The following VPS13D variants were observed in gnomAD, a reference collection of about 807,000 sequenced individuals.
VPS13D encodes the protein intermembrane lipid transfer protein VPS13D.
Under a neutral mutation model 461.9 loss-of-function variants are expected in VPS13D, and 187 were observed. The ratio of observed to expected loss-of-function variants is 0.40; its 90% CI spans 0.36 to 0.46. The LOEUF is 0.46. Ranked by LOEUF, VPS13D falls within the 20% of genes least tolerant of loss-of-function variation. The pLI is 0.60. For missense variants in VPS13D, 4,711 were observed against 5,364.9 expected, an observed-to-expected ratio of 0.88 and a Z score of 3.81; for synonymous variants, 1,951 against 1,986.3, an observed-to-expected ratio of 0.98 and a Z score of 0.47.
At chr1:12,233,806 G>T (rs1640061473) in intron 1 of VPS13D, among the ~76,000 whole-genome samples, 1 of 152,182 alleles carries the variant, frequency 6.6e-6, no homozygotes, top group South Asian at 2.1e-4. Context: ...CCAGCACTTT[G>T]GGTGGCTGAG....
intron 65 of VPS13D, among the ~76,000 whole-genome samples, chr1:12,421,232 G>C (rs1644859591): frequency 6.6e-6 from 1 of 152,204 alleles, no homozygotes; most frequent in Non-Finnish European, 1.5e-5. Context: ...TCCCCTGCCT[G>C]GGTCTTGGCA....
chr1:12,490,694 A>G (rs1365813403), intron 67 of VPS13D, among the ~76,000 whole-genome samples: 1 of 150,044 alleles, frequency 6.7e-6, no homozygotes, highest in Non-Finnish European at 1.5e-5. Context: ...CAGGTCTGAG[A>G]TAGATGCAGC....
At chr1:12,446,713 T>C (rs1326521361) in intron 65 of VPS13D, among the ~76,000 whole-genome samples, 1 of 152,216 alleles carries the variant, frequency 6.6e-6, no homozygotes, top group Non-Finnish European at 1.5e-5. Flanking sequence ...TTAGCTTTGG[T>C]GTTCTACGTC....
intron 5 of VPS13D, among the ~76,000 whole-genome samples, chr1:12,247,594 C>T (rs1455220550): frequency 6.6e-6 from 1 of 151,798 alleles, no homozygotes; most frequent in African/African-American, 2.4e-5. Flanking sequence ...GCTATGATTT[C>T]GATTTGCATT....
chr1:12,305,330 A>G (rs1642531740), intron 26 of VPS13D, among the ~76,000 whole-genome samples: 2 of 151,754 alleles, frequency 1.3e-5, no homozygotes, highest in Admixed American at 1.3e-4. Flanking sequence ...GCTAGAGTGC[A>G]GTGTTGTGAT....
intron 67 of VPS13D, among the ~76,000 whole-genome samples, chr1:12,491,972 G>A (rs559434275): frequency 1.5e-4 from 23 of 152,356 alleles, no homozygotes; most frequent in African/African-American, 4.6e-4. Flanking sequence ...CTGCATGTGC[G>A]CTGAACAGAC....
chr1:12,361,493 C>T (rs12564109), intron 50 of VPS13D, among the ~76,000 whole-genome samples: 2,784 of 146,244 alleles, frequency 0.019, 103 homozygotes, highest in Admixed American at 0.1. Context: ...CCTCCCGGGT[C>T]CACGCCATTC....
At chr1:12,465,065 G>A (rs568592373) in intron 67 of VPS13D, 1 of 152,296 alleles carries the variant, frequency 6.6e-6, no homozygotes, top group South Asian at 2.1e-4. Flanking sequence ...TAAATGTGAC[G>A]GCCTTTGATG....
intron 21 of VPS13D, among the ~76,000 whole-genome samples, chr1:12,284,145 A>G (rs1042904103): frequency 2.0e-5 from 3 of 152,188 alleles, no homozygotes; most frequent in Non-Finnish European, 2.9e-5. Flanking sequence ...CTCTCAGAAC[A>G]TTATTTGCTT....
chr1:12,242,445 T>C, intron 2 of VPS13D, 68 bp from the exon 3 acceptor site: 1 of 1,408,910 alleles, frequency 7.1e-7, no homozygotes, highest in Non-Finnish European at 1.0e-6. Flanking sequence ...CCTTCAATGC[T>C]TTACACACAG....
At position 12,369,606 on chromosome 1, in the gene VPS13D, C is replaced by T. The variant is rs757270388; in HGVS notation, c.10712C>T (p.Ser3571Phe). ...FITLTVKGAG[S>F]SEINCNMNDF... is the part of the protein sequence containing the mutation. Reference sequence around the variant, plus strand: ...ACTCTGACTGTTAAAGGGGCAGGGTCCTCTGAGATCAACTGCAACATGAAT... The same window carrying T: ...ACTCTGACTGTTAAAGGGGCAGGGTTCTCTGAGATCAACTGCAACATGAAT... Residue 3571 changes from serine to phenylalanine, a missense_variant, in exon 54 of 70, where the codon TCC (serine) becomes TTC (phenylalanine). Physicochemically the swap from Ser to Phe is radical, Grantham distance 155. Around this residue, in one of 3 missense-constraint regions of VPS13D, gnomAD observed 4,411 missense variants for 4,937.8 expected, o/e 0.89. Coordinates refer to ENST00000620676, the MANE Select transcript of VPS13D (RefSeq NM_015378.4). 9.9e-6 allele frequency: 16 copies of T among 1,614,170 alleles called. No homozygotes were observed. In the South Asian group the frequency reaches 1.8e-4, roughly 18 times the overall value.
intron 46 of VPS13D, among the ~76,000 whole-genome samples, chr1:12,353,598 A>T (rs1167094533): frequency 6.6e-6 from 1 of 151,704 alleles, no homozygotes; most frequent in African/African-American, 2.4e-5. Flanking sequence ...TTCCACTTAT[A>T]TATATGCAGT....
Position 12,256,611 on chromosome 1 carries a change from A to C in VPS13D, c.840+108A>C, listed in dbSNP as rs556457119. The C allele has an allele frequency of 1.3e-4, 168 of 1,259,868 alleles. 1 individual carries two copies. The South Asian group carries it at 2.3e-3, about 17-fold the overall frequency. 78.0% of individuals were successfully genotyped at this position (1,259,868 alleles called of 1,614,324 possible). ...CAGGAAAGAAAGTTCATGTGAGACC[A>C]TTTCCCTCCAGACTAAAGTTGTGTT... On this transcript the variant is annotated intron_variant, in intron 8 of 69. Coordinates refer to ENST00000620676, the MANE Select transcript of VPS13D (RefSeq NM_015378.4).
chr1:12,449,439 C>T (rs558316194), intron 65 of VPS13D, among the ~76,000 whole-genome samples: 13 of 151,634 alleles, frequency 8.6e-5, no homozygotes, highest in Admixed American at 2.6e-4. Flanking sequence ...CCCACCCTTT[C>T]GTGATTTGGC....
At chr1:12,270,468 G>GA (rs953090274) in intron 16 of VPS13D, among the ~76,000 whole-genome samples, 1 of 150,862 alleles carries the variant, frequency 6.6e-6, no homozygotes, top group Non-Finnish European at 1.5e-5. Flanking sequence ...AAGAAGAAGA[G>GA]AAAAAAAAGA....
At chr1:12,307,893 G>T (rs1642612827) in intron 26 of VPS13D, among the ~76,000 whole-genome samples, 1 of 152,198 alleles carries the variant, frequency 6.6e-6, no homozygotes, top group African/African-American at 2.4e-5. Context: ...ATTTGGTGGG[G>T]AGAGTGGTTT....
chr1:12,463,033 C>T (rs939234000), intron 67 of VPS13D, among the ~76,000 whole-genome samples: 1 of 151,434 alleles, frequency 6.6e-6, no homozygotes, highest in Non-Finnish European at 1.5e-5. Flanking sequence ...AGTTTAACTG[C>T]AAGTTCCAAC....
At chr1:12,450,686 T>A (rs1333043577) in intron 65 of VPS13D, among the ~76,000 whole-genome samples, 1 of 152,220 alleles carries the variant, frequency 6.6e-6, no homozygotes, top group Admixed American at 6.5e-5. Context: ...CGCCCAGCTG[T>A]CAGCTAATGT....
chr1:12,260,782 A>C lies in VPS13D; in HGVS notation c.1200A>C (p.Glu400Asp). 1 of 1,614,212 alleles carries C rather than the reference A, an allele frequency of 6.2e-7. No individual in the cohort carries two copies. The highest frequency in any genetic ancestry group is 8.5e-7 in the Non-Finnish European group (1 of 1,180,022). Reference protein sequence around the residue: ...ELVHDRFHKQEELAESLREPQ... With the variant: ...ELVHDRFHKQDELAESLREPQ... ...TTCATGATCGATTTCACAAACAGGA[A>C]GAACTAGCAGAGGTAAGAAATCCTC... The change falls in exon 11 of 70, where the codon GAA (glutamate) becomes GAC (aspartate). Residue 400 changes from glutamate to aspartate, a missense_variant. By Grantham distance (45) the Glu-to-Asp change is conservative. Coordinates refer to ENST00000620676, the MANE Select transcript of VPS13D (RefSeq NM_015378.4).
Sources: gnomAD v4.1 joint callset for allele counts (sites outside exome capture counted in the v4.1 genomes callset) on GRCh38, gnomAD v4.1.1 for gene constraint, gnomAD v4.1.1 regional missense constraint, MANE v1.5 for transcripts, NCBI Gene and HGNC (gene_info 2026-07-23, HGNC 2026-07-21) for gene names.